Variants in GGACT observed in about 807,000 individuals in gnomAD.
GGACT encodes gamma-glutamylamine cyclotransferase.
For synonymous variants in GGACT, 118 were observed against 115.3 expected, an observed-to-expected ratio of 1.02 and a Z score of -0.15; for missense variants, 241 against 233.2, an observed-to-expected ratio of 1.03 and a Z score of -0.22.
At chr13:100,576,090 T>C (rs1270434633) in intron 2 of GGACT, among the ~76,000 whole-genome samples, 1 of 152,244 alleles carries the variant, frequency 6.6e-6, no homozygotes, top group East Asian at 1.9e-4. Flanking sequence ...CTTATCTATA[T>C]AATATCCTGG....
At chr13:100,571,901 G>A (rs2153016301) in intron 2 of GGACT, among the ~76,000 whole-genome samples, 1 of 152,210 alleles carries the variant, frequency 6.6e-6, no homozygotes, top group Non-Finnish European at 1.5e-5. Flanking sequence ...ATATAATAAT[G>A]CCTTGCATAT....
chr13:100,561,103 C>T (rs764207149), intron 2 of GGACT, among the ~76,000 whole-genome samples: 5 of 152,212 alleles, frequency 3.3e-5, no homozygotes, highest in Non-Finnish European at 7.3e-5. Context: ...CCTCCTAAGT[C>T]TCATCAAGCA....
intron 2 of GGACT, among the ~76,000 whole-genome samples, chr13:100,559,344 T>G (rs2088737594): frequency 4.1e-5 from 6 of 147,080 alleles, no homozygotes; most frequent in Admixed American, 4.0e-4. Context: ...TGTGCCACCA[T>G]GTCCAGCTAA....
At chr13:100,538,358 C>G (rs2088518085) in intron 2 of GGACT, 1 of 152,196 alleles carries the variant, frequency 6.6e-6, no homozygotes. Flanking sequence ...CTTTTTGTTC[C>G]CTACTTGTTT....
intron 2 of GGACT, among the ~76,000 whole-genome samples, chr13:100,565,891 G>A (rs575582572): frequency 3.3e-5 from 5 of 152,342 alleles, no homozygotes; most frequent in Admixed American, 3.3e-4. Context: ...ACACAATCCA[G>A]AGGAAGTGAT....
rs1456521041 is a variant in GGACT, at chr13:100,545,068, G to C, written c.-10-12467C>G. 6.6e-6 allele frequency among the ~76,000 whole-genome samples: 1 copy of C among 152,228 alleles called. No individual in the cohort carries two copies. The highest frequency in any genetic ancestry group is 1.5e-5 in the Non-Finnish European group (1 of 68,050). ...GCCAGGAACACATGCTGGGCAGGCG[G>C]CCAGCGGCCCAACACTGGAGATGCC... On this transcript the variant is annotated intron_variant, in intron 2 of 2. Transcript: ENST00000683975. This position sits in a 1 kb window ranked among gnomAD's most constrained non-coding sequence, Gnocchi z 4.4.
intron 2 of GGACT, among the ~76,000 whole-genome samples, chr13:100,580,967 G>A (rs1875399168): frequency 6.6e-6 from 1 of 152,208 alleles, no homozygotes; most frequent in African/African-American, 2.4e-5. Context: ...AGGCAAATGT[G>A]CCACAGGCAA....
intron 2 of GGACT, chr13:100,537,468 CGA>C (rs1566528776): frequency 6.6e-6 from 1 of 152,288 alleles, no homozygotes; most frequent in Non-Finnish European, 1.5e-5. Context: ...GCTGCTGAGA[CGA>C]GAGAAAGGAA....
At chr13:100,552,931 G>A (rs183702454) in intron 2 of GGACT, among the ~76,000 whole-genome samples, 2 of 152,180 alleles carry the variant, frequency 1.3e-5, no homozygotes, top group African/African-American at 4.8e-5. Context: ...GGGCGACCCA[G>A]GCAAGCAGTA....
intron 2 of GGACT, chr13:100,536,829 G>T (rs1391482713): frequency 2.0e-5 from 3 of 152,548 alleles, no homozygotes; most frequent in Non-Finnish European, 2.9e-5. Flanking sequence ...CCCAGCGGAG[G>T]TGTTCTTGTC....
chr13:100,547,484 C>A lies in GGACT; in HGVS notation c.-10-14883G>T, dbSNP rs187461126. On this transcript the variant is annotated intron_variant, in intron 2 of 2. Transcript: ENST00000683975. ...TACCTCAAAAAAGGTAATCTAAAAA[C>A]AAGACTGAATGAGCTCACGGGAGGC... Among the ~76,000 whole-genome samples the A allele has an allele frequency of 1.9e-3, 296 of 152,344 alleles. 4 individuals carry two copies. Among genetic ancestry groups the A allele is most frequent in the Admixed American group, 0.018 (268 of 15,312 alleles).
intron 2 of GGACT, among the ~76,000 whole-genome samples, chr13:100,564,099 T>C (rs1301067306): frequency 6.6e-6 from 1 of 152,198 alleles, no homozygotes; most frequent in East Asian, 1.9e-4. Flanking sequence ...ACGCTGATGT[T>C]CTAGGTCCCT....
chr13:100,540,990 C>T (rs911100030), intron 2 of GGACT, among the ~76,000 whole-genome samples: 11 of 152,172 alleles, frequency 7.2e-5, no homozygotes, highest in Admixed American at 1.3e-4. Context: ...TCTCACCATG[C>T]TAGTTTTTTG....
chr13:100,560,974 C>G (rs2088754388), intron 2 of GGACT, among the ~76,000 whole-genome samples: 1 of 152,214 alleles, frequency 6.6e-6, no homozygotes, highest in Non-Finnish European at 1.5e-5. Flanking sequence ...GGATAGTGGG[C>G]TGGTGGGCTG....
At chr13:100,570,287 G>C (rs1046013786) in intron 2 of GGACT, among the ~76,000 whole-genome samples, 1 of 152,154 alleles carries the variant, frequency 6.6e-6, no homozygotes, top group Non-Finnish European at 1.5e-5. Context: ...ATTTATAAAA[G>C]GAAGAGGTTT....
rs142757909 is a variant in GGACT at position 100,547,907 on chromosome 13, C to T, written c.-10-15306G>A. On this transcript the variant is annotated intron_variant, in intron 2 of 2. Transcript: ENST00000683975. Reference sequence around the variant, plus strand: ...AGTTCCCACGAAGAAACACAGCAAACGGTTTGCCTTTTAGAGTATTTTTCC... The same window carrying T: ...AGTTCCCACGAAGAAACACAGCAAATGGTTTGCCTTTTAGAGTATTTTTCC... Among the ~76,000 whole-genome samples the T allele has an allele frequency of 1.2e-3, 183 of 152,348 alleles. 1 individual carries two copies. Among genetic ancestry groups the T allele is most frequent in the African/African-American group, 4.1e-3 (171 of 41,586 alleles).
intron 2 of GGACT, among the ~76,000 whole-genome samples, chr13:100,577,438 T>TAAATAAAA (rs1293081061): frequency 6.7e-6 from 1 of 149,710 alleles, no homozygotes; most frequent in Non-Finnish European, 1.5e-5. Context: ...AATAAATAAA[T>TAAATAAAA]AAATAAATAA....
intron 2 of GGACT, among the ~76,000 whole-genome samples, chr13:100,563,053 CG>C (rs776731362): frequency 7.9e-5 from 12 of 152,144 alleles, no homozygotes; most frequent in Non-Finnish European, 1.3e-4. Context: ...CCAACCCTGC[CG>C]GCCCCTGATC....
At chr13:100,566,761 A>G (rs926702408) in intron 2 of GGACT, among the ~76,000 whole-genome samples, 3 of 152,200 alleles carry the variant, frequency 2.0e-5, no homozygotes, top group Non-Finnish European at 4.4e-5. Context: ...TGATCTCACT[A>G]CACTACAACC....
Sources: allele counts gnomAD v4.1 joint callset (sites outside exome capture counted in the v4.1 genomes callset), GRCh38; gene constraint gnomAD v4.1.1; non-coding constraint Gnocchi (gnomAD v3.1); transcripts MANE v1.5; gene names NCBI Gene and HGNC (gene_info 2026-07-23, HGNC 2026-07-21).